ROBO2: variants seen among roughly 807,000 people sequenced by gnomAD.
ROBO2 encodes the protein roundabout guidance receptor 2.
A neutral mutation model predicts 160.8 loss-of-function variants in ROBO2; 53 were observed. The observed-to-expected ratio is 0.33, with a 90% confidence interval of 0.26 to 0.41. The LOEUF (loss-of-function observed/expected upper bound fraction) is 0.41. ROBO2 is among the 10% of genes least tolerant of loss of function. ROBO2 has a pLI of 1.00. For missense variants in ROBO2, 1,577 were observed against 1,722.4 expected, an observed-to-expected ratio of 0.92 and a Z score of 1.49; for synonymous variants, 664 against 611.7, an observed-to-expected ratio of 1.09 and a Z score of -1.26.
Position 76,394,453 on chromosome 3 carries a change from A to G in ROBO2, c.109+456851A>G, listed in dbSNP as rs962612052. Among the ~76,000 whole-genome samples, 4 of 151,900 alleles carry G rather than the reference A, an allele frequency of 2.6e-5. 1 individual carries two copies. Among genetic ancestry groups the G allele is most frequent in the Non-Finnish European group, 5.9e-5 (4 of 67,982 alleles). ...TTAAGAATGTTGAATATCGGCCCCC[A>G]CTCTCTTCTGGCTTGTAGAGTTTCT... is the stretch of plus-strand genomic sequence containing the variant. On this transcript the variant is annotated intron_variant, in intron 2 of 26. Transcript: ENST00000487694.
intron 2 of ROBO2, among the ~76,000 whole-genome samples, chr3:77,385,164 G>T (rs1316530697): frequency 6.6e-6 from 1 of 152,068 alleles, no homozygotes; most frequent in Non-Finnish European, 1.5e-5. Context: ...TGAGTAGCTG[G>T]GATTACTGGT....
chr3:77,541,074 G>A (rs77757600), intron 6 of ROBO2, among the ~76,000 whole-genome samples: 4,808 of 152,180 alleles, frequency 0.032, 183 homozygotes, highest in East Asian at 0.17. Context: ...CAAAAAATTC[G>A]AAATGGCAAT....
chr3:76,108,944 A>G (rs776354747), intron 2 of ROBO2, among the ~76,000 whole-genome samples: 53 of 150,918 alleles, frequency 3.5e-4, no homozygotes, highest in Admixed American at 2.1e-3. Context: ...TTTTAGTTAT[A>G]TAAGGTTATA....
intron 2 of ROBO2, among the ~76,000 whole-genome samples, chr3:77,448,672 C>CAAAAT (rs56009861): frequency 0.62 from 93,489 of 151,074 alleles, 29,163 homozygotes; most frequent in East Asian, 0.7. Context: ...ATTATTGAAT[C>CAAAAT]GAAATGAAGT....
intron 2 of ROBO2, among the ~76,000 whole-genome samples, chr3:77,025,822 G>A (rs532502096): frequency 6.6e-6 from 1 of 152,220 alleles, no homozygotes; most frequent in African/African-American, 2.4e-5. Context: ...TTTCCTTATT[G>A]CTGCTTTTAG....
chr3:77,425,218 A>G (rs968796074), intron 2 of ROBO2, among the ~76,000 whole-genome samples: 20 of 151,614 alleles, frequency 1.3e-4, no homozygotes, highest in African/African-American at 3.9e-4. Context: ...AAAAGACTTG[A>G]ATGGTCTTTG....
intron 23 of ROBO2, chr3:77,630,813 TATTTAGAAATACAAGAGCAGGC>T (rs2095145512): frequency 1.3e-5 from 2 of 151,894 alleles, no homozygotes; most frequent in African/African-American, 4.8e-5. Context: ...TAAGAGCAGG[TATTTAGAAATACAAGAGCAGGC>T]ATTTAGAAAT....
intron 24 of ROBO2, among the ~76,000 whole-genome samples, chr3:77,641,380 A>G (rs1235016161): frequency 6.6e-6 from 1 of 152,214 alleles, no homozygotes; most frequent in Admixed American, 6.5e-5. Context: ...CTTTGCTCAT[A>G]AAAGAGAGTA....
chr3:77,144,054 A>G (rs1457274456), intron 2 of ROBO2, among the ~76,000 whole-genome samples: 2 of 152,148 alleles, frequency 1.3e-5, no homozygotes, highest in Non-Finnish European at 2.9e-5. Context: ...ATCCGATCTT[A>G]CCTTATTTAG....
intron 2 of ROBO2, among the ~76,000 whole-genome samples, chr3:76,348,035 C>T (rs894869316): frequency 1.9e-4 from 29 of 152,114 alleles, no homozygotes; most frequent in African/African-American, 6.3e-4. Context: ...ACACTTGCAT[C>T]GTCTGCCCAA....
chr3:77,509,450 C>G (rs1171857296), intron 5 of ROBO2, among the ~76,000 whole-genome samples: 1 of 151,970 alleles, frequency 6.6e-6, no homozygotes, highest in Non-Finnish European at 1.5e-5. Flanking sequence ...TAACTTATAT[C>G]TACCTCGAAC....
chr3:76,157,082 C>T (rs1308469427), intron 2 of ROBO2, among the ~76,000 whole-genome samples: 1 of 152,144 alleles, frequency 6.6e-6, no homozygotes, highest in African/African-American at 2.4e-5. Context: ...GAATTGATAT[C>T]CTCGGAGTTC....
chr3:77,118,402 G>A (rs1399610695), intron 2 of ROBO2, among the ~76,000 whole-genome samples: 1 of 152,186 alleles, frequency 6.6e-6, no homozygotes, highest in African/African-American at 2.4e-5. Flanking sequence ...CAGTTGTAGG[G>A]AAGCCATTGT....
At chr3:77,521,016 A>T (rs910675027) in intron 5 of ROBO2, among the ~76,000 whole-genome samples, 7 of 151,318 alleles carry the variant, frequency 4.6e-5, no homozygotes, top group Admixed American at 1.3e-4. Flanking sequence ...GAAACAAGAT[A>T]TGTATCATGT....
chr3:77,533,376 G>A (rs535232479), intron 6 of ROBO2, among the ~76,000 whole-genome samples: 1 of 152,064 alleles, frequency 6.6e-6, no homozygotes, highest in South Asian at 2.1e-4. Flanking sequence ...TCATTCTATA[G>A]GTCCCAAATG....
intron 2 of ROBO2, among the ~76,000 whole-genome samples, chr3:76,298,315 G>T (rs1576309797): frequency 6.6e-6 from 1 of 152,114 alleles, no homozygotes; most frequent in African/African-American, 2.4e-5. Context: ...TCTGGGGAAC[G>T]ATGTGAGGTG....
chr3:76,634,565 C>T (rs1417560582), intron 2 of ROBO2, among the ~76,000 whole-genome samples: 2 of 118,696 alleles, frequency 1.7e-5, no homozygotes, highest in East Asian at 4.8e-4. Context: ...GAGACTTCGT[C>T]TCAAAGAGAA....
At chr3:77,644,964 C>T in intron 25 of ROBO2, 60 bp downstream of exon 27, 1 of 1,502,870 alleles carries the variant, frequency 6.7e-7, no homozygotes, top group Non-Finnish European at 9.2e-7. Context: ...GGGTTAATAA[C>T]ATTGCCACAT....
At chr3:77,251,782 T>C (rs1222698907) in intron 2 of ROBO2, among the ~76,000 whole-genome samples, 1 of 152,098 alleles carries the variant, frequency 6.6e-6, no homozygotes, top group Non-Finnish European at 1.5e-5. Context: ...CACTTTCACT[T>C]GACTCTCTGT....
Sources: gnomAD v4.1 joint callset for allele counts (sites outside exome capture counted in the v4.1 genomes callset) on GRCh38, gnomAD v4.1.1 for gene constraint, MANE v1.5 for transcripts, NCBI Gene and HGNC (gene_info 2026-07-23, HGNC 2026-07-21) for gene names.